APH1B: variants seen among roughly 807,000 people sequenced by gnomAD.
The protein encoded by APH1B is aph-1B gamma-secretase subunit.
APH1B carries 27 observed loss-of-function variants against 28.2 expected under a neutral mutation model. That is an observed-to-expected ratio of 0.96 (90% CI 0.70 to 1.32). The LOEUF (loss-of-function observed/expected upper bound fraction) is 1.32. Ranked by LOEUF, APH1B falls within the 40% of genes most tolerant of loss-of-function variation. The probability of loss-of-function intolerance (pLI) is 0.00; values close to 1 mark genes in which losing one functional copy is unlikely to be tolerated. For synonymous variants in APH1B, 141 were observed against 124.6 expected, an observed-to-expected ratio of 1.13 and a Z score of -0.88; for missense variants, 305 against 313.6, an observed-to-expected ratio of 0.97 and a Z score of 0.21.
intron 2 of APH1B, among the ~76,000 whole-genome samples, chr15:63,280,204 G>T (rs1323533928): frequency 1.3e-5 from 2 of 152,150 alleles, no homozygotes; most frequent in Non-Finnish European, 1.5e-5. Flanking sequence ...ATCTATAATA[G>T]AAAATCACAT....
chr15:63,294,759 C>T (rs2038546405), intron 4 of APH1B, among the ~76,000 whole-genome samples: 1 of 152,212 alleles, frequency 6.6e-6, no homozygotes, highest in African/African-American at 2.4e-5. Flanking sequence ...GAAACCCTCA[C>T]CAAAGACTTA....
intron 4 of APH1B, among the ~76,000 whole-genome samples, chr15:63,294,683 T>G (rs550202461): frequency 2.0e-5 from 3 of 152,378 alleles, no homozygotes; most frequent in African/African-American, 7.2e-5. Flanking sequence ...TTGGAGGAAT[T>G]AATCAGCTTT....
At chr15:63,283,539 C>G (rs765168543) in intron 2 of APH1B, among the ~76,000 whole-genome samples, 1 of 152,192 alleles carries the variant, frequency 6.6e-6, no homozygotes, top group East Asian at 1.9e-4. Flanking sequence ...CAATTTATCT[C>G]TTAAATTGAT....
In APH1B at chr15:63,277,665, C is replaced by G. The variant is rs925630565; in HGVS notation, c.42C>G (p.Phe14Leu). 6.2e-7 allele frequency: 1 copy of G among 1,608,074 alleles called. No homozygotes were observed. The highest frequency in any genetic ancestry group is 1.3e-5 in the African/African-American group (1 of 74,268). ...TCTTCGGCTGCGCCTTCATTGCCTT[C>G]GGGCCTGCGCTCGCCCTTTATGTCT... ...AVFFGCAFIA[F>L]GPALALYVFT... Residue 14 changes from phenylalanine (F) to leucine (L), a missense_variant, in exon 1 of 6, where the codon TTC becomes TTG. Transcript: ENST00000261879.
intron 2 of APH1B, among the ~76,000 whole-genome samples, chr15:63,280,127 C>T (rs540161379): frequency 9.2e-5 from 14 of 152,288 alleles, no homozygotes; most frequent in African/African-American, 3.1e-4. Flanking sequence ...GAGACCATGC[C>T]TTCCATTATT....
At chr15:63,301,142 G>GT (rs2038623048) in intron 4 of APH1B, among the ~76,000 whole-genome samples, 1 of 152,222 alleles carries the variant, frequency 6.6e-6, no homozygotes, top group Non-Finnish European at 1.5e-5. Flanking sequence ...ATAATTTGGA[G>GT]TTCTAACAAG....
At chr15:63,280,217 T>TA (rs2038370946) in intron 2 of APH1B, among the ~76,000 whole-genome samples, 1 of 152,194 alleles carries the variant, frequency 6.6e-6, no homozygotes, top group Non-Finnish European at 1.5e-5. Context: ...AATCACATTT[T>TA]AAAAAATGCC....
Position 63,305,774 on chromosome 15 carries a change from C to T in APH1B, c.767C>T (p.Ser256Phe). 6.2e-7 allele frequency: 1 copy of T among 1,613,618 alleles called. No individual in the cohort carries two copies. ...AACTTTCTTCTTTACAACCAGCGCT[C>T]CAGATAACCTCAGGGAACCAGCACT... is the stretch of plus-strand genomic sequence containing the variant. ...DKNFLLYNQR[S>F]R The change falls in exon 6 of 6, where the codon TCC (serine) becomes TTC (phenylalanine). Residue 256 changes from serine to phenylalanine, a missense_variant. Physicochemically the swap from Ser to Phe is radical, Grantham distance 155. Transcript: ENST00000261879.
At chr15:63,287,661 G>T in intron 4 of APH1B, 115 bp downstream of exon 4, 2 of 1,345,112 alleles carry the variant, frequency 1.5e-6, no homozygotes, top group Admixed American at 4.5e-5. Context: ...TCTTTTAAAG[G>T]CGAAATACTC....
intron 2 of APH1B, among the ~76,000 whole-genome samples, chr15:63,281,534 GAAAAA>G (rs58991721): frequency 8.7e-6 from 1 of 115,378 alleles, no homozygotes; most frequent in Non-Finnish European, 1.9e-5. Context: ...GTCTAATTTT[GAAAAA>G]AAAAAAAAAA....
intron 4 of APH1B, chr15:63,291,674 A>G (rs1032825704): frequency 1.3e-5 from 2 of 152,198 alleles, no homozygotes; most frequent in African/African-American, 4.8e-5. Context: ...TTTTGTCCCA[A>G]TTTGTCATTT....
chr15:63,296,215 C>T (rs534655809), intron 4 of APH1B, among the ~76,000 whole-genome samples: 5 of 152,340 alleles, frequency 3.3e-5, no homozygotes, highest in African/African-American at 9.6e-5. Context: ...AGAGTTTCTA[C>T]GGCCAGGATG....
chr15:63,282,716 T>A (rs535849379), intron 2 of APH1B, among the ~76,000 whole-genome samples: 1 of 152,228 alleles, frequency 6.6e-6, no homozygotes, highest in Non-Finnish European at 1.5e-5. Flanking sequence ...CAATTTTGTC[T>A]TAAAAGGTTG....
intron 1 of APH1B, chr15:63,278,166 C>T (rs2038345799): frequency 5.1e-6 from 2 of 389,902 alleles, no homozygotes; most frequent in African/African-American, 2.1e-5. Context: ...TGGCCAGGTG[C>T]TTTAAAACAT....
chr15:63,303,855 AACAC>A (rs1555427261), intron 5 of APH1B, among the ~76,000 whole-genome samples: 19 of 125,334 alleles, frequency 1.5e-4, no homozygotes, highest in African/African-American at 2.4e-4. Flanking sequence ...TCTCTTGGTG[AACAC>A]ACACACACAC....
At chr15:63,285,378 A>G (rs2038434303) in intron 2 of APH1B, among the ~76,000 whole-genome samples, 1 of 152,238 alleles carries the variant, frequency 6.6e-6, no homozygotes, top group Admixed American at 6.5e-5. Context: ...CATTTGCTAA[A>G]AAATCATTTT....
intron 4 of APH1B, among the ~76,000 whole-genome samples, chr15:63,298,844 A>G (rs1468772695): frequency 6.7e-6 from 1 of 150,266 alleles, no homozygotes; most frequent in African/African-American, 2.5e-5. Context: ...TAAAGATAAT[A>G]TATATAATCT....
Position 63,306,155 on chromosome 15 carries a change from G to A in APH1B, c.*374G>A, listed in dbSNP as rs1441734483. 2.3e-5 allele frequency: 4 copies of A among 177,230 alleles called. No homozygotes were observed. The highest frequency in any genetic ancestry group is 7.2e-5 in the African/African-American group (3 of 41,712). The allele number at this position is 177,230 out of a possible 1,614,324, so 11.0% of individuals were successfully genotyped here. On this transcript the variant is annotated 3_prime_UTR_variant, in exon 6 of 6. Transcript: ENST00000261879. ...TCCTGAGAACACCTTAAGTGGATGA[G>A]AATCTGGTCTTTAGCTGTCTCCTAA... is the stretch of plus-strand genomic sequence containing the variant.
intron 4 of APH1B, among the ~76,000 whole-genome samples, chr15:63,295,227 A>G (rs2038552394): frequency 6.6e-6 from 1 of 152,216 alleles, no homozygotes; most frequent in Non-Finnish European, 1.5e-5. Context: ...AAACATAGAA[A>G]TTAATTAGTT....
Sources: gnomAD v4.1 joint callset for allele counts (sites outside exome capture counted in the v4.1 genomes callset) on GRCh38, gnomAD v4.1.1 for gene constraint, MANE v1.5 for transcripts, NCBI Gene and HGNC (gene_info 2026-07-23, HGNC 2026-07-21) for gene names.